ATOSA: variants seen among roughly 807,000 people sequenced by gnomAD.
ATOSA encodes the protein atos homolog protein A.
chr15:52,611,678 T>C, the ATOSA span: 2 of 1,614,034 alleles, frequency 1.2e-6, no homozygotes, highest in African/African-American at 2.7e-5. Context: ...CCATCATCGC[T>C]GTAGCAGCAG....
the ATOSA span, chr15:52,609,415 G>A: frequency 1.2e-6 from 2 of 1,613,824 alleles, no homozygotes; most frequent in Non-Finnish European, 1.7e-6. Flanking sequence ...GATATGTGAT[G>A]CTGTTGGATC....
the ATOSA span, among the ~76,000 whole-genome samples, chr15:52,612,704 T>C: frequency 0.9 from 136,496 of 151,696 alleles, 61,458 homozygotes; most frequent in East Asian, 1. Flanking sequence ...GAGGTTTCAC[T>C]GTGTTGGCCA....
chr15:52,626,890 G>A, the ATOSA span, among the ~76,000 whole-genome samples: 1 of 152,124 alleles, frequency 6.6e-6, no homozygotes, highest in Non-Finnish European at 1.5e-5. Context: ...TGCCTATTCT[G>A]TAACAGTTAT....
the ATOSA span, among the ~76,000 whole-genome samples, chr15:52,680,519 G>A: frequency 1.3e-5 from 2 of 152,182 alleles, no homozygotes; most frequent in Non-Finnish European, 2.9e-5. Context: ...TTTATAAACT[G>A]CAAGATTGGC....
At chr15:52,635,284 G>GACATT in the ATOSA span, among the ~76,000 whole-genome samples, 7 of 152,082 alleles carry the variant, frequency 4.6e-5, no homozygotes, top group Non-Finnish European at 1.0e-4. Context: ...AACTTGACTT[G>GACATT]ACATTTATAA....
At chr15:52,675,326 G>A in the ATOSA span, among the ~76,000 whole-genome samples, 2 of 152,038 alleles carry the variant, frequency 1.3e-5, no homozygotes, top group South Asian at 2.1e-4. Context: ...AGGCTGTAGG[G>A]AGCAGAATTG....
chr15:52,582,465 G>C, the ATOSA span, among the ~76,000 whole-genome samples: 1 of 152,290 alleles, frequency 6.6e-6, no homozygotes, highest in East Asian at 1.9e-4. Context: ...AAAGACCAAA[G>C]CATATGCTTT....
the ATOSA span, among the ~76,000 whole-genome samples, chr15:52,631,348 A>G: frequency 1.4e-4 from 22 of 152,136 alleles, no homozygotes; most frequent in Non-Finnish European, 3.1e-4. Flanking sequence ...ACATTCTCCC[A>G]TATTAACCTC....
chr15:52,653,907 TAGTGCA>T, the ATOSA span, among the ~76,000 whole-genome samples: 9 of 152,206 alleles, frequency 5.9e-5, no homozygotes, highest in Non-Finnish European at 1.2e-4. Context: ...GGGAGGTGAC[TAGTGCA>T]AGTAGAACAT....
chr15:52,595,463 A>G, the ATOSA span, among the ~76,000 whole-genome samples: 1 of 152,090 alleles, frequency 6.6e-6, no homozygotes, highest in Non-Finnish European at 1.5e-5. Flanking sequence ...TTAGTTGCTG[A>G]CTTTATCTGA....
chr15:52,605,370 T>C, the ATOSA span: 25 of 630,556 alleles, frequency 4.0e-5, no homozygotes, highest in Admixed American at 1.7e-4. Flanking sequence ...AAGCTGGTGA[T>C]ATACAGGTGG....
the ATOSA span, among the ~76,000 whole-genome samples, chr15:52,677,812 T>C: frequency 6.6e-6 from 1 of 152,228 alleles, no homozygotes; most frequent in Admixed American, 6.5e-5. Context: ...TCAGAAGCAC[T>C]TTTGTAAAAA....
chr15:52,663,711 C>G, the ATOSA span, among the ~76,000 whole-genome samples: 2 of 152,192 alleles, frequency 1.3e-5, no homozygotes, highest in Non-Finnish European at 2.9e-5. Context: ...AGCCTTAAAT[C>G]CTCAGCTCAA....
the ATOSA span, among the ~76,000 whole-genome samples, chr15:52,617,912 C>A: frequency 2.0e-5 from 3 of 151,886 alleles, no homozygotes; most frequent in African/African-American, 7.3e-5. Flanking sequence ...TGACTGACTA[C>A]CTCTGCATTA....
At chr15:52,605,447 T>G in the ATOSA span, among the ~76,000 whole-genome samples, 2 of 152,122 alleles carry the variant, frequency 1.3e-5, no homozygotes, top group Non-Finnish European at 2.9e-5. Flanking sequence ...TTTCTGATTT[T>G]GGAGTATTTG....
At chr15:52,609,087 T>C in the ATOSA span, 355,145 of 1,612,690 alleles carry the variant, frequency 0.22, 56,327 homozygotes, top group East Asian at 0.86. Flanking sequence ...TTGAGGAAGT[T>C]GATAAACTAG....
chr15:52,708,278 C>G, the ATOSA span, among the ~76,000 whole-genome samples: 1 of 152,110 alleles, frequency 6.6e-6, no homozygotes, highest in African/African-American at 2.4e-5. Context: ...AGGAGAGGGA[C>G]TTTCCTTCAG....
chr15:52,664,245 T>C, the ATOSA span, among the ~76,000 whole-genome samples: 1 of 152,208 alleles, frequency 6.6e-6, no homozygotes. Flanking sequence ...TTAGACATTA[T>C]ACCCCATAGA....
chr15:52,665,547 C>T, the ATOSA span, among the ~76,000 whole-genome samples: 2 of 151,634 alleles, frequency 1.3e-5, no homozygotes, highest in African/African-American at 2.4e-5. Flanking sequence ...CAAAAATTGG[C>T]ACTTTTTTTT....
Sources: allele counts gnomAD v4.1 joint callset (sites outside exome capture counted in the v4.1 genomes callset), GRCh38; gene constraint gnomAD v4.1.1; transcripts MANE v1.5; gene names NCBI Gene and HGNC (gene_info 2026-07-23, HGNC 2026-07-21).